Variants in CDK5RAP2 observed in about 807,000 individuals in gnomAD.
The protein encoded by CDK5RAP2 is CDK5 regulatory subunit associated protein 2, also known as CDK5 regulatory subunit-associated protein 2.
Under a neutral mutation model 232.9 loss-of-function variants are expected in CDK5RAP2, and 147 were observed. The ratio of observed to expected loss-of-function variants is 0.63; its 90% CI spans 0.55 to 0.72. The LOEUF (loss-of-function observed/expected upper bound fraction) is 0.72, where lower values mean the gene tolerates loss of function less well. Among genes scored for constraint, CDK5RAP2 ranks in the 30% least tolerant of loss-of-function variants. The pLI, the probability that CDK5RAP2 is intolerant of heterozygous loss-of-function variation, is 0.00. For synonymous variants in CDK5RAP2, 833 were observed against 833.7 expected, an observed-to-expected ratio of 1.00 and a Z score of 0.01; for missense variants, 2,195 against 2,231.5, an observed-to-expected ratio of 0.98 and a Z score of 0.33.
intron 24 of CDK5RAP2, 33 bp from the exon 25 acceptor site, chr9:120,437,560 C>T (rs1184210612): frequency 1.3e-6 from 2 of 1,520,348 alleles, no homozygotes; most frequent in South Asian, 1.1e-5. Context: ...ATACTTGGAC[C>T]ATTTTAGAAT....
rs368747462 is a variant in CDK5RAP2 at position 120,539,055 on chromosome 9, G to A, written c.493C>T (p.Leu165Phe). 13 of 1,613,914 alleles carry A rather than the reference G, an allele frequency of 8.1e-6. No homozygotes were observed. In the African/African-American group the frequency reaches 1.7e-4, roughly 22 times the overall value. The change falls in exon 6 of 38, where the codon CTC becomes TTC. Residue 165 changes from leucine to phenylalanine, a missense_variant. Physicochemically the swap from Leu to Phe is conservative, Grantham distance 22. Coordinates refer to ENST00000349780, the MANE Select transcript of CDK5RAP2 (RefSeq NM_018249.6). ...QVEDLLTKRI[L>F]LLEKDVTAAQ... is the part of the protein sequence containing the mutation. ...TCCAGACTTGCCTTTTCCAAAAGGA[G>A]TATTCTTTTAGTTAGGAGATCTTCC...
chr9:120,469,599 T>C (rs971061161), intron 17 of CDK5RAP2, among the ~76,000 whole-genome samples: 2 of 152,186 alleles, frequency 1.3e-5, no homozygotes, highest in East Asian at 3.8e-4. Flanking sequence ...CATTGAAGAA[T>C]CTTTCCAGTT....
intron 3 of CDK5RAP2, among the ~76,000 whole-genome samples, chr9:120,566,433 T>C (rs2042648988): frequency 6.6e-6 from 1 of 152,164 alleles, no homozygotes; most frequent in African/African-American, 2.4e-5. Context: ...CATGTTGGCA[T>C]AGAAGGCTCT....
At chr9:120,468,279 CGA>C (rs1377300142) in intron 17 of CDK5RAP2, among the ~76,000 whole-genome samples, 2 of 152,208 alleles carry the variant, frequency 1.3e-5, no homozygotes, top group Non-Finnish European at 2.9e-5. Context: ...AGCGTTACTA[CGA>C]GAACTGAACA....
Position 120,448,128 on chromosome 9 carries a change from T to C in CDK5RAP2, c.2794-2A>G. ...TGGCAAGCGGGACTTCTTAGCCTCC[T>C]GAAAACACACATATGCAACAATGAA... On this transcript the variant is annotated splice_acceptor_variant, in intron 21 of 37. Transcript: ENST00000349780. LOFTEE classifies it high-confidence loss of function. 1 of 1,605,708 alleles carries C rather than the reference T, an allele frequency of 6.2e-7. No individual in the cohort carries two copies. The highest frequency in any genetic ancestry group is 8.5e-7 in the Non-Finnish European group (1 of 1,172,296).
chr9:120,428,390 A>C (rs1164868566), intron 25 of CDK5RAP2, among the ~76,000 whole-genome samples: 1 of 152,244 alleles, frequency 6.6e-6, no homozygotes, highest in Non-Finnish European at 1.5e-5. Flanking sequence ...AGAGAGAAGA[A>C]TCAAATAGAT....
intron 20 of CDK5RAP2, among the ~76,000 whole-genome samples, chr9:120,455,975 GACA>G (rs1053644100): frequency 1.6e-4 from 24 of 151,986 alleles, no homozygotes; most frequent in African/African-American, 5.1e-4. Flanking sequence ...CTGTTAAAAA[GACA>G]ACAACTTAAC....
intron 25 of CDK5RAP2, among the ~76,000 whole-genome samples, chr9:120,431,332 G>A (rs1466644885): frequency 6.6e-6 from 1 of 152,178 alleles, no homozygotes; most frequent in Non-Finnish European, 1.5e-5. Context: ...ACGATATCAT[G>A]GTGGTTAGGA....
At chr9:120,522,356 G>T (rs761310161) in intron 11 of CDK5RAP2, among the ~76,000 whole-genome samples, 1 of 152,150 alleles carries the variant, frequency 6.6e-6, no homozygotes, top group Non-Finnish European at 1.5e-5. Flanking sequence ...AAATATAAAA[G>T]ACTTGGTAGG....
In CDK5RAP2 at chr9:120,453,588, A is replaced by C. The variant is rs762044263; in HGVS notation, c.2661T>G (p.His887Gln). ...ATEGDLLRFK[H>Q]EATREAWEEK... ...CTTCCCAAGCCTCTCTTGTTGCTTC[A>C]TGCTTGAATCTCAGCAGGTCGCCCT... Residue 887 changes from histidine (H) to glutamine (Q), a missense_variant, in exon 21 of 38, where the codon CAT (histidine) becomes CAG (glutamine). Physicochemically the swap from His to Gln is conservative, Grantham distance 24 (BLOSUM62 0). Transcript: ENST00000349780. 5 of 1,614,166 alleles carry C rather than the reference A, an allele frequency of 3.1e-6. No individual in the cohort carries two copies. The highest frequency in any genetic ancestry group is 3.4e-6 in the Non-Finnish European group (4 of 1,180,020).
chr9:120,407,518 T>C, intron 31 of CDK5RAP2: 1 of 495,866 alleles, frequency 2.0e-6, no homozygotes, highest in Admixed American at 3.2e-5. Flanking sequence ...CCCGAAATTA[T>C]GTCTAGTAGT....
At chr9:120,422,581 A>T (rs1199585018) in intron 26 of CDK5RAP2, 112 bp downstream of exon 26, 1 of 812,968 alleles carries the variant, frequency 1.2e-6, no homozygotes, top group East Asian at 2.5e-5. Context: ...CCTTATTTAC[A>T]AGAAGCAGGA....
At position 120,403,119 on chromosome 9, in the gene CDK5RAP2, GC is replaced by G. The variant is rs2033177493; in HGVS notation, c.5042-49del. 6.3e-7 allele frequency: 1 copy of G among 1,597,598 alleles called. No homozygotes were observed. Reference sequence around the variant, plus strand: ...TAAAATCTGTTTCAGGTAACACTCTGCGTTCAAGACGCTTATGATGTTGAAG... The same window carrying G: ...TAAAATCTGTTTCAGGTAACACTCTGGTTCAAGACGCTTATGATGTTGAAG... On this transcript the variant is annotated intron_variant, in intron 33 of 37. Transcript: ENST00000349780. The surrounding 1 kb of genome is among the most constrained non-coding windows in gnomAD (Gnocchi z 4.2).
In CDK5RAP2 at chr9:120,453,532, T is replaced by G; in HGVS notation, c.2717A>C (p.Glu906Ala). Reference sequence around the variant, plus strand: ...CCCGTGCAGGTTCTCTGGCCGATGCTCTGCGCTGAGTGCAGTGTTGATCGG... The same window carrying G: ...CCCGTGCAGGTTCTCTGGCCGATGCGCTGCGCTGAGTGCAGTGTTGATCGG... ...EKPINTALSA[E>A]HRPENLHGVP... Residue 906 changes from glutamate (E) to alanine (A), a missense_variant, in exon 21 of 38, where the codon GAG becomes GCG. Glu to Ala is a moderately radical substitution (Grantham distance 107, BLOSUM62 -1). Transcript: ENST00000349780. 1 of 1,614,170 alleles carries G rather than the reference T, an allele frequency of 6.2e-7. No individual in the cohort carries two copies. Among genetic ancestry groups the G allele is most frequent in the Non-Finnish European group, 8.5e-7 (1 of 1,180,028 alleles).
intron 18 of CDK5RAP2, among the ~76,000 whole-genome samples, chr9:120,462,053 A>G (rs2037121915): frequency 6.6e-6 from 1 of 152,192 alleles, no homozygotes; most frequent in Non-Finnish European, 1.5e-5. Context: ...TGTGGAAGAA[A>G]AACAAAACAA....
At position 120,580,059 on chromosome 9, in the gene CDK5RAP2, C is replaced by T; in HGVS notation, c.-81G>A. ...CCCGCGATAGCGACCCGCCGGGCTC[C>T]CCAGGTCCCCGCCCCCTCCACCCCA... On this transcript the variant is annotated 5_prime_UTR_variant, in exon 1 of 38. Transcript: ENST00000349780. 1 of 861,260 alleles carries T rather than the reference C, an allele frequency of 1.2e-6. No individual in the cohort carries two copies. The highest frequency in any genetic ancestry group is 1.9e-6 in the Non-Finnish European group (1 of 517,538). The allele number at this position is 861,260 out of a possible 1,614,324, so 53.4% of individuals were successfully genotyped here.
chr9:120,493,749 A>G (rs1279292046), intron 12 of CDK5RAP2, among the ~76,000 whole-genome samples: 1 of 152,194 alleles, frequency 6.6e-6, no homozygotes, highest in African/African-American at 2.4e-5. Flanking sequence ...AAACAACCCA[A>G]CATATTCAAC....
chr9:120,440,038 A>G, intron 23 of CDK5RAP2, 66 bp from the exon 24 acceptor site: 2 of 1,445,238 alleles, frequency 1.4e-6, no homozygotes, highest in Non-Finnish European at 1.9e-6. Flanking sequence ...CTCCTTCCTC[A>G]CAGCCCTAGC....
intron 24 of CDK5RAP2, 98 bp downstream of exon 24, chr9:120,439,301 C>T (rs2035758632): frequency 9.5e-7 from 1 of 1,048,990 alleles, no homozygotes; most frequent in Non-Finnish European, 1.5e-6. Context: ...CTCTACCCAT[C>T]ACAGAGTAGT....
Sources: gnomAD v4.1 joint callset for allele counts (sites outside exome capture counted in the v4.1 genomes callset) on GRCh38, gnomAD v4.1.1 for gene constraint, Gnocchi (gnomAD v3.1) non-coding constraint, MANE v1.5 for transcripts, NCBI Gene and HGNC (gene_info 2026-07-23, HGNC 2026-07-21) for gene names.